The following XPO6 variants were observed in gnomAD, a reference collection of about 807,000 sequenced individuals.
The protein encoded by XPO6 is exportin-6.
XPO6 carries 3 observed loss-of-function variants against 130.0 expected under a neutral mutation model. The observed-to-expected ratio is 0.02, with a 90% CI of 0.01 to 0.06. The LOEUF (loss-of-function observed/expected upper bound fraction) is 0.06, where lower values mean the gene tolerates loss of function less well. Among genes scored for constraint, XPO6 ranks in the 10% least tolerant of loss-of-function variants. The probability of loss-of-function intolerance (pLI) is 1.00; values close to 1 mark genes in which losing one functional copy is unlikely to be tolerated. For missense variants in XPO6, 970 were observed against 1,393.0 expected (o/e 0.70, Z 4.83); for synonymous variants, 524 against 548.9 (o/e 0.95, Z 0.63).
Position 28,112,950 on chromosome 16 carries a change from A to G in XPO6, c.2105T>C (p.Val702Ala). ...FLISIPAVQK[V>A]FNRITDASAL... ...AGAGGCATCAGTGATTCTGTTGAAT[A>G]CTTTCTGCACTGCAGGGATGCTGAT... Residue 702 changes from valine to alanine, a missense_variant, in exon 16 of 24, where the codon GTA (valine) becomes GCA (alanine). By Grantham distance (64) the Val-to-Ala change is moderately conservative (BLOSUM62 0). Around this residue, in one of 4 missense-constraint regions of XPO6, gnomAD observed 936 missense variants for 1,306.8 expected, o/e 0.72. Coordinates refer to ENST00000304658, the MANE Select transcript of XPO6 (RefSeq NM_015171.4). 1 of 1,614,154 alleles carries G rather than the reference A, an allele frequency of 6.2e-7. No individual in the cohort carries two copies. Among genetic ancestry groups the G allele is most frequent in the Non-Finnish European group, 8.5e-7 (1 of 1,180,008 alleles).
At chr16:28,120,180 A>C (rs1217424132) in intron 14 of XPO6, among the ~76,000 whole-genome samples, 5 of 152,110 alleles carry the variant, frequency 3.3e-5, no homozygotes, top group African/African-American at 1.2e-4. Flanking sequence ...GCAAAATAAT[A>C]ATAATAATCA....
At chr16:28,187,844 CTT>C (rs1360554841) in intron 1 of XPO6, among the ~76,000 whole-genome samples, 2 of 151,848 alleles carry the variant, frequency 1.3e-5, no homozygotes, top group African/African-American at 2.4e-5. Context: ...ACATGTGACT[CTT>C]TACATTTTCC....
intron 6 of XPO6, among the ~76,000 whole-genome samples, chr16:28,158,483 AT>A (rs1175136400): frequency 3.3e-5 from 5 of 152,202 alleles, no homozygotes; most frequent in Non-Finnish European, 5.9e-5. Context: ...AAATATAGTT[AT>A]TTTTTATTAA....
At chr16:28,113,328 A>C (rs1050179129) in intron 15 of XPO6, among the ~76,000 whole-genome samples, 31 of 152,138 alleles carry the variant, frequency 2.0e-4, no homozygotes, top group Non-Finnish European at 3.8e-4. Context: ...TAGAGTCTGC[A>C]GTGGCTCCCT....
Position 28,099,396 on chromosome 16 carries a change from C to A in XPO6, c.3277-757G>T, listed in dbSNP as rs558279192. 5.3e-4 allele frequency among the ~76,000 whole-genome samples: 81 copies of A among 152,376 alleles called. 1 individual carries two copies. In the South Asian group the frequency reaches 0.016, roughly 31 times the overall value. On this transcript the variant is annotated intron_variant, in intron 23 of 23. Coordinates refer to ENST00000304658, the MANE Select transcript of XPO6 (RefSeq NM_015171.4). ...TCATTTTCCTGCCCAACCACTATTC[C>A]TCTTCCAGAACTCCATTCAAAGCCT...
intron 12 of XPO6, among the ~76,000 whole-genome samples, chr16:28,128,066 C>T (rs1477233535): frequency 1.3e-5 from 2 of 152,124 alleles, no homozygotes; most frequent in South Asian, 2.1e-4. Flanking sequence ...ACTGGTTGTA[C>T]GAAAGGGAAC....
chr16:28,161,768 T>A (rs951036541), intron 6 of XPO6, among the ~76,000 whole-genome samples: 1 of 152,132 alleles, frequency 6.6e-6, no homozygotes, highest in African/African-American at 2.4e-5. Flanking sequence ...ACAGACCAAG[T>A]GTTTCCCCAA....
chr16:28,203,135 C>T (rs2043977025), intron 1 of XPO6, among the ~76,000 whole-genome samples: 3 of 152,036 alleles, frequency 2.0e-5, no homozygotes, highest in Admixed American at 2.0e-4. Context: ...ATTACCCAGG[C>T]ATGGTGATGC....
intron 23 of XPO6, among the ~76,000 whole-genome samples, chr16:28,100,689 G>A (rs1596767445): frequency 6.6e-6 from 1 of 152,312 alleles, no homozygotes; most frequent in Non-Finnish European, 1.5e-5. Flanking sequence ...AGTATAAAAC[G>A]GTACAAGGAA....
At chr16:28,148,441 G>A (rs1319718951) in intron 8 of XPO6, among the ~76,000 whole-genome samples, 6 of 152,102 alleles carry the variant, frequency 3.9e-5, no homozygotes, top group African/African-American at 1.2e-4. Context: ...TTTTGAAGTC[G>A]CCTAACTTTT....
chr16:28,158,158 A>T (rs147749407), intron 6 of XPO6, among the ~76,000 whole-genome samples: 1 of 152,356 alleles, frequency 6.6e-6, no homozygotes, highest in African/African-American at 2.4e-5. Flanking sequence ...AAATACATGG[A>T]CACAAAACAG....
intron 4 of XPO6, among the ~76,000 whole-genome samples, chr16:28,175,107 T>C (rs758331733): frequency 6.6e-6 from 1 of 152,134 alleles, no homozygotes; most frequent in Non-Finnish European, 1.5e-5. Context: ...CTGAAAAATC[T>C]ATCTGAGCCA....
intron 18 of XPO6, 131 bp downstream of exon 18, chr16:28,107,391 G>T: frequency 1.8e-6 from 2 of 1,102,644 alleles, no homozygotes; most frequent in South Asian, 1.5e-5. Context: ...TTTCCCCTCA[G>T]TACCGGGTTT....
chr16:28,127,887 A>G (rs2042592751), intron 12 of XPO6, among the ~76,000 whole-genome samples: 1 of 152,104 alleles, frequency 6.6e-6, no homozygotes, highest in Non-Finnish European at 1.5e-5. Flanking sequence ...TGCCTCCTCC[A>G]CTCCACAAGG....
intron 1 of XPO6, among the ~76,000 whole-genome samples, chr16:28,187,889 G>A (rs1265343181): frequency 6.6e-6 from 1 of 151,746 alleles, no homozygotes; most frequent in Non-Finnish European, 1.5e-5. Context: ...GCAGACTTCT[G>A]CTCACACGCA....
rs148069487 is a variant in XPO6 at position 28,191,816 on chromosome 16, T to C, written c.4-10785A>G. ...AAACTGACGAACCACTATAAAAGCA[T>C]GCTGCAAATCTAACATGATGATTAA... On this transcript the variant is annotated intron_variant, in intron 1 of 23. Coordinates refer to ENST00000304658, the MANE Select transcript of XPO6 (RefSeq NM_015171.4). 2.2e-3 allele frequency among the ~76,000 whole-genome samples: 330 copies of C among 152,350 alleles called. 2 individuals are homozygous for C. Among genetic ancestry groups the C allele is most frequent in the African/African-American group, 6.9e-3 (289 of 41,586 alleles).
intron 23 of XPO6, among the ~76,000 whole-genome samples, chr16:28,100,572 C>T (rs1356848410): frequency 6.6e-6 from 1 of 152,238 alleles, no homozygotes; most frequent in Non-Finnish European, 1.5e-5. Flanking sequence ...GCAGTGTGTG[C>T]ATCTGAGCAC....
In XPO6 at chr16:28,104,402, G is replaced by A. The variant is rs2086726236; in HGVS notation, c.2946+144C>T. ...TCCACTTTGCAGATGAAGAAACTGAGGCTCCAAGAAATTAATTAACTTCAT... is the reference window on the plus strand; with the variant it reads ...TCCACTTTGCAGATGAAGAAACTGAAGCTCCAAGAAATTAATTAACTTCAT... On this transcript the variant is annotated intron_variant, in intron 21 of 23. Transcript: ENST00000304658. 9 of 1,080,216 alleles carry A rather than the reference G, an allele frequency of 8.3e-6. No individual in the cohort carries two copies. In the South Asian group the frequency reaches 1.3e-4, roughly 16 times the overall value. The allele number at this position is 1,080,216 out of a possible 1,614,324, so 66.9% of individuals were successfully genotyped here.
rs1390135494 is a variant in XPO6, at chr16:28,132,251, G to A, written c.1606+83C>T. On this transcript the variant is annotated intron_variant, in intron 12 of 23. Coordinates refer to ENST00000304658, the MANE Select transcript of XPO6 (RefSeq NM_015171.4). The surrounding 1 kb of genome is among the most constrained non-coding windows in gnomAD (Gnocchi z 4.0). ...GGCTGCAGTGAAGAAATCATGTTCCGACAGCAACGGCAGCAGTAATGAAAT... is the reference window on the plus strand; with the variant it reads ...GGCTGCAGTGAAGAAATCATGTTCCAACAGCAACGGCAGCAGTAATGAAAT... 2.4e-5 allele frequency: 26 copies of A among 1,066,908 alleles called. No individual in the cohort carries two copies. Among genetic ancestry groups the A allele is most frequent in the African/African-American group, 4.8e-5 (3 of 62,300 alleles). 66.1% of individuals were successfully genotyped at this position (1,066,908 alleles called of 1,614,324 possible). A position where few individuals can be genotyped will look rare whatever the true frequency, so the allele number is the denominator to read the frequency against.
Sources: gnomAD v4.1 joint callset for allele counts (sites outside exome capture counted in the v4.1 genomes callset) on GRCh38, gnomAD v4.1.1 for gene constraint, gnomAD v4.1.1 regional missense constraint, Gnocchi (gnomAD v3.1) non-coding constraint, MANE v1.5 for transcripts, NCBI Gene and HGNC (gene_info 2026-07-23, HGNC 2026-07-21) for gene names.